The following HLCS variants were observed in gnomAD, a reference collection of about 807,000 sequenced individuals.
The protein encoded by HLCS is biotin--protein ligase.
In HLCS, 53 loss-of-function variants were observed where a neutral mutation model predicts 75.0. The observed-to-expected ratio is 0.71, with a 90% CI of 0.57 to 0.89. The LOEUF (loss-of-function observed/expected upper bound fraction) is 0.89, where lower values mean the gene tolerates loss of function less well. HLCS is among the 40% of genes least tolerant of loss of function. The pLI is 0.00. For synonymous variants in HLCS, 431 were observed against 428.6 expected (o/e 1.01, Z -0.07); for missense variants, 966 against 1,074.0 (o/e 0.90, Z 1.41).
At chr21:36,829,890 T>C (rs1412215725) in intron 6 of HLCS, among the ~76,000 whole-genome samples, 1 of 152,154 alleles carries the variant, frequency 6.6e-6, no homozygotes, top group East Asian at 1.9e-4. Context: ...CCCTCTCCTG[T>C]AGTACAACCC....
chr21:36,870,318 G>A (rs2063726578), intron 6 of HLCS, among the ~76,000 whole-genome samples: 1 of 152,124 alleles, frequency 6.6e-6, no homozygotes, highest in Non-Finnish European at 1.5e-5. Flanking sequence ...AGGAAGAAAA[G>A]AGAATACACC....
chr21:36,761,565 C>A (rs999063598), intron 8 of HLCS, among the ~76,000 whole-genome samples: 1 of 152,126 alleles, frequency 6.6e-6, no homozygotes, highest in African/African-American at 2.4e-5. Context: ...TACTGGGAGA[C>A]TTCCCTGGTT....
chr21:36,896,675 A>G, intron 6 of HLCS, 185 bp downstream of exon 6: 2 of 663,402 alleles, frequency 3.0e-6, no homozygotes, highest in South Asian at 1.9e-5. Flanking sequence ...CAAACCTGTG[A>G]TCAAAGAACT....
intron 2 of HLCS, among the ~76,000 whole-genome samples, chr21:36,939,327 A>C (rs1368895920): frequency 1.3e-5 from 2 of 152,206 alleles, no homozygotes; most frequent in East Asian, 3.8e-4. Context: ...AACAGAGAAG[A>C]GGAGAGAACA....
chr21:36,793,895 A>G (rs2060948990), intron 6 of HLCS, among the ~76,000 whole-genome samples: 3 of 152,320 alleles, frequency 2.0e-5, no homozygotes, highest in Admixed American at 2.0e-4. Context: ...AGCATCTCTC[A>G]TGAAGATGCT....
chr21:36,877,661 C>T (rs1364525519), intron 6 of HLCS, among the ~76,000 whole-genome samples: 2 of 152,048 alleles, frequency 1.3e-5, no homozygotes, highest in Non-Finnish European at 2.9e-5. Context: ...TTTAAATTTA[C>T]CCAGATATTT....
chr21:36,921,370 G>A (rs527967294), intron 5 of HLCS, among the ~76,000 whole-genome samples: 28 of 152,310 alleles, frequency 1.8e-4, no homozygotes, highest in Admixed American at 1.4e-3. Context: ...GCTTGAACCC[G>A]GGAGGTGGAG....
chr21:36,830,202 A>C (rs557481925), intron 6 of HLCS, among the ~76,000 whole-genome samples: 1 of 152,220 alleles, frequency 6.6e-6, no homozygotes, highest in Non-Finnish European at 1.5e-5. Flanking sequence ...ACGGCCTCAG[A>C]AGGAGCCAGC....
chr21:36,987,010 T>C (rs892788992), intron 1 of HLCS, among the ~76,000 whole-genome samples: 4 of 152,266 alleles, frequency 2.6e-5, no homozygotes, highest in Admixed American at 2.0e-4. Context: ...ATTGCCATTA[T>C]TAATTTTGAT....
Position 36,755,091 on chromosome 21 carries a change from C to T in HLCS, c.2451-674G>A, listed in dbSNP as rs190691134. Among the ~76,000 whole-genome samples, 21 of 151,536 alleles carry T rather than the reference C, an allele frequency of 1.4e-4. No homozygotes were observed. The East Asian group carries it at 3.7e-3, about 26-fold the overall frequency. On this transcript the variant is annotated intron_variant, in intron 10 of 10. Coordinates refer to ENST00000674895, the MANE Select transcript of HLCS (RefSeq NM_001352514.2). ...ACACACAAGCACACATTTTTTTTTC[C>T]TGCAACATATAAAGATAAGTTGCAG...
intron 2 of HLCS, among the ~76,000 whole-genome samples, chr21:36,953,227 G>C (rs967506262): frequency 6.6e-6 from 1 of 152,292 alleles, no homozygotes; most frequent in African/African-American, 2.4e-5. Flanking sequence ...CTCTCAAGTA[G>C]CTGGGACCAC....
chr21:36,823,019 G>C (rs1470762368), intron 6 of HLCS, among the ~76,000 whole-genome samples: 1 of 152,176 alleles, frequency 6.6e-6, no homozygotes, highest in African/African-American at 2.4e-5. Context: ...CTGTGAGCCT[G>C]GACTTCTCGT....
At chr21:36,890,907 G>T (rs576088580) in intron 6 of HLCS, among the ~76,000 whole-genome samples, 12 of 152,338 alleles carry the variant, frequency 7.9e-5, no homozygotes, top group Admixed American at 6.5e-4. Context: ...GGGCCTCCAA[G>T]TATTTTTCTT....
chr21:36,780,822 G>A (rs1480841228), intron 6 of HLCS, among the ~76,000 whole-genome samples: 1 of 152,066 alleles, frequency 6.6e-6, no homozygotes, highest in Admixed American at 6.6e-5. Context: ...AGTGGCGTGT[G>A]TCTGTGCATG....
At chr21:36,989,947 A>G (rs1355967689) in intron 1 of HLCS, among the ~76,000 whole-genome samples, 1 of 151,978 alleles carries the variant, frequency 6.6e-6, no homozygotes, top group African/African-American at 2.4e-5. Flanking sequence ...CTGGGCCGCG[A>G]GGTCCCTATG....
intron 6 of HLCS, among the ~76,000 whole-genome samples, chr21:36,808,632 G>C (rs1792557625): frequency 1.3e-5 from 2 of 152,152 alleles, no homozygotes; most frequent in Admixed American, 6.5e-5. Context: ...TCGCAAGACA[G>C]TGTTATAATT....
chr21:36,966,424 C>CCGGGG lies in HLCS; in HGVS notation c.195+19_195+20insCCCCG. On this transcript the variant is annotated intron_variant, in intron 1 of 10. Transcript: ENST00000674895. ...TCCGGCTCGCGGGGCCCGGGTCGCC[C>CCGGGG]GCCCGCCCGACCCGCCCACCTGGCT... The CCGGGG allele has an allele frequency of 3.0e-5, 14 of 461,700 alleles. No homozygotes were observed. Among genetic ancestry groups the CCGGGG allele is most frequent in the Non-Finnish European group, 3.7e-5 (13 of 351,276 alleles). 28.6% of individuals were successfully genotyped at this position (461,700 alleles called of 1,614,324 possible).
intron 6 of HLCS, among the ~76,000 whole-genome samples, chr21:36,775,472 G>C (rs971652048): frequency 1.3e-5 from 2 of 152,216 alleles, no homozygotes; most frequent in African/African-American, 4.8e-5. Context: ...GATGAGCAAA[G>C]AAGCTTGCAT....
At chr21:36,918,306 G>A (rs2066016543) in intron 5 of HLCS, among the ~76,000 whole-genome samples, 1 of 152,214 alleles carries the variant, frequency 6.6e-6, no homozygotes, top group African/African-American at 2.4e-5. Flanking sequence ...TGTAGGTGAG[G>A]CCTGATTTCT....
Sources: allele counts gnomAD v4.1 joint callset (sites outside exome capture counted in the v4.1 genomes callset), GRCh38; gene constraint gnomAD v4.1.1; transcripts MANE v1.5; gene names NCBI Gene and HGNC (gene_info 2026-07-23, HGNC 2026-07-21).